NCOR2: variants seen among roughly 807,000 people sequenced by gnomAD.
NCOR2 encodes nuclear receptor corepressor 2.
A neutral mutation model predicts 262.9 loss-of-function variants in NCOR2; 81 were observed. The observed-to-expected ratio is 0.31, with a 90% CI of 0.26 to 0.37. The LOEUF is 0.37. Ranked by LOEUF, NCOR2 falls within the 10% of genes least tolerant of loss-of-function variation. The pLI is 1.00. For missense variants in NCOR2, 3,385 were observed against 3,621.4 expected, an observed-to-expected ratio of 0.93 and a Z score of 1.68; for synonymous variants, 1,659 against 1,559.3, an observed-to-expected ratio of 1.06 and a Z score of -1.51.
chr12:124,383,060 C>T (rs1250368497), intron 17 of NCOR2, among the ~76,000 whole-genome samples: 1 of 152,186 alleles, frequency 6.6e-6, no homozygotes, highest in Non-Finnish European at 1.5e-5. Context: ...ATGAATCAAT[C>T]AATCGTGAGT....
chr12:124,397,988 C>T, intron 16 of NCOR2, 131 bp downstream of exon 18: 1 of 1,050,916 alleles, frequency 9.5e-7, no homozygotes, highest in East Asian at 2.4e-5. Context: ...AGCCCAGAAC[C>T]AGAACCTCAC....
rs1406319276 is a variant in NCOR2, at chr12:124,340,761, G to A, written c.5189-10C>T. On this transcript the variant is annotated splice_polypyrimidine_tract_variant and intron_variant, in intron 34 of 46. Coordinates refer to ENST00000405201, the Ensembl canonical transcript of NCOR2. ...GACAGGTCGATGATGCCTGCGGGAGGTGTTGGGCCAGGGCTGTAGCCACAG... is the reference window on the plus strand; with the variant it reads ...GACAGGTCGATGATGCCTGCGGGAGATGTTGGGCCAGGGCTGTAGCCACAG... The A allele has an allele frequency of 3.9e-6, 6 of 1,529,634 alleles. No individual in the cohort carries two copies. The highest frequency in any genetic ancestry group is 5.2e-6 in the Non-Finnish European group (6 of 1,152,074). 94.8% of individuals were successfully genotyped at this position (1,529,634 alleles called of 1,614,324 possible).
rs1033351923 is a variant in NCOR2, at chr12:124,429,489, C to T, written c.1149+124G>A. On this transcript the variant is annotated intron_variant, in intron 10 of 46. Transcript: ENST00000405201. ...TCAATACCCACCTTGATTCCACCCG[C>T]GCTTCGGTGGCAAAGCCCCTCGACG... 60 of 1,001,258 alleles carry T rather than the reference C, an allele frequency of 6.0e-5. No individual in the cohort carries two copies. The African/African-American group carries it at 7.5e-4, about 13-fold the overall frequency. 62.0% of individuals were successfully genotyped at this position (1,001,258 alleles called of 1,614,324 possible).
intron 13 of NCOR2, among the ~76,000 whole-genome samples, chr12:124,418,278 G>A (rs1299795865): frequency 6.6e-6 from 1 of 152,180 alleles, no homozygotes; most frequent in African/African-American, 2.4e-5. Context: ...TTCAGCCCCA[G>A]GCATCGTGGC....
chr12:124,498,725 T>C (rs1243739104), upstream of NCOR2, among the ~76,000 whole-genome samples: 2 of 152,210 alleles, frequency 1.3e-5, no homozygotes, highest in African/African-American at 4.8e-5. Context: ...TGCATGTTCA[T>C]GGCAACAGAA....
intron 16 of NCOR2, among the ~76,000 whole-genome samples, chr12:124,394,062 G>A (rs553301826): frequency 1.3e-5 from 2 of 152,368 alleles, no homozygotes; most frequent in African/African-American, 2.4e-5. Context: ...GGCGGGGGCC[G>A]AGGCCCCAAA....
chr12:124,528,083 G>C (rs550219871), intron 1 of NCOR2, among the ~76,000 whole-genome samples: 1 of 152,090 alleles, frequency 6.6e-6, no homozygotes, highest in Non-Finnish European at 1.5e-5. Flanking sequence ...TCCCTTCCAC[G>C]ACTGCCATAA....
chr12:124,341,980 C>T (rs370856594), exon 34 of NCOR2: 81 of 1,613,300 alleles, frequency 5.0e-5, no homozygotes, highest in Middle Eastern at 1.6e-4. Context: ...TCTCCAGCGC[C>T]GCCGTGTCGG....
intron 22 of NCOR2, among the ~76,000 whole-genome samples, chr12:124,360,306 A>C (rs536149613): frequency 8.9e-4 from 136 of 152,304 alleles, no homozygotes; most frequent in Non-Finnish European, 1.5e-3. Flanking sequence ...CCAGCGAGAC[A>C]TCCCTGGCGT....
chr12:124,333,295 G>A lies in NCOR2; in HGVS notation c.6606-16C>T. 6.3e-7 allele frequency: 1 copy of A among 1,585,666 alleles called. No individual in the cohort carries two copies. Among genetic ancestry groups the A allele is most frequent in the Non-Finnish European group, 8.6e-7 (1 of 1,163,864 alleles). ...CTCTGGAGACCTGGATGGAGAAAGG[G>A]CCCCAGATGTGGTCAGAGGTCTCCC... On this transcript the variant is annotated splice_polypyrimidine_tract_variant and intron_variant, in intron 41 of 46. Coordinates refer to ENST00000405201, the Ensembl canonical transcript of NCOR2.
exon 22 of NCOR2, chr12:124,362,246 G>C (rs1456618783): frequency 7.6e-7 from 1 of 1,318,446 alleles, no homozygotes; most frequent in Non-Finnish European, 9.7e-7. Flanking sequence ...GGGGGAGCTG[G>C]CTTGGTGGGA....
At chr12:124,496,738 C>T (rs561853172), upstream of NCOR2, among the ~76,000 whole-genome samples, 1 of 151,316 alleles carries the variant, frequency 6.6e-6, no homozygotes, top group East Asian at 2.0e-4. This position sits in a 1 kb window ranked among gnomAD's most constrained non-coding sequence, Gnocchi z 4.4. Context: ...CTCCCTCCCT[C>T]CCCAGGTGCC....
chr12:124,517,595 G>A lies in NCOR2; in HGVS notation c.-118+17970C>T, dbSNP rs965438514. Among the ~76,000 whole-genome samples, 3 of 152,158 alleles carry A rather than the reference G, an allele frequency of 2.0e-5. No homozygotes were observed. Among genetic ancestry groups the A allele is most frequent in the Admixed American group, 2.0e-4 (3 of 15,278 alleles). ...GCCTGAGCCCACCGCGGAGCCCCAG[G>A]GCAGAGCCTCGGGAGCGCCCACGAT... is the stretch of plus-strand genomic sequence containing the variant. On this transcript the variant is annotated intron_variant, in intron 1 of 46. Coordinates refer to the NCOR2 transcript ENST00000404621. The surrounding 1 kb of genome is among the most constrained non-coding windows in gnomAD (Gnocchi z 7.6).
chr12:124,449,701 C>T lies in NCOR2; in HGVS notation c.815+114G>A, dbSNP rs181501251. ...CCCTCCGGGAGCACCTGGCCCTGGC[C>T]GGGAGCCCCTGATGGGAACAGAGAG... On this transcript the variant is annotated intron_variant, in intron 7 of 46. Transcript: ENST00000405201. The T allele has an allele frequency of 1.5e-4, 196 of 1,314,342 alleles. No homozygotes were observed. The Admixed American group carries it at 2.0e-3, about 13-fold the overall frequency. The allele number at this position is 1,314,342 out of a possible 1,614,324, so 81.4% of individuals were successfully genotyped here.
exon 14 of NCOR2, chr12:124,402,514 C>A: frequency 7.5e-7 from 1 of 1,332,670 alleles, no homozygotes; most frequent in African/African-American, 1.6e-5. Context: ...GGGGCATGGG[C>A]TGCTGCTGCT....
In NCOR2 at chr12:124,482,894, G is replaced by A. The variant is rs927240611; in HGVS notation, c.411+702C>T. Among the ~76,000 whole-genome samples, 1 of 152,198 alleles carries A rather than the reference G, an allele frequency of 6.6e-6. No individual in the cohort carries two copies. Among genetic ancestry groups the A allele is most frequent in the African/African-American group, 2.4e-5 (1 of 41,450 alleles). On this transcript the variant is annotated intron_variant, in intron 3 of 46. Coordinates refer to ENST00000405201, the Ensembl canonical transcript of NCOR2. The surrounding 1 kb of genome is among the most constrained non-coding windows in gnomAD (Gnocchi z 6.3). Reference sequence around the variant, plus strand: ...GTGGCCCAAGGAGCAGCCAGACTGGGCAGTAGAAGGCGGCTTTGTCATTCT... The same window carrying A: ...GTGGCCCAAGGAGCAGCCAGACTGGACAGTAGAAGGCGGCTTTGTCATTCT...
At chr12:124,424,716 A>G (rs1593476126) in intron 11 of NCOR2, among the ~76,000 whole-genome samples, 1 of 152,228 alleles carries the variant, frequency 6.6e-6, no homozygotes, top group Non-Finnish European at 1.5e-5. Context: ...TGGGGCCACA[A>G]CCCTGGACCA....
chr12:124,353,200 G>A (rs951133873), intron 27 of NCOR2, among the ~76,000 whole-genome samples: 1 of 152,332 alleles, frequency 6.6e-6, no homozygotes, highest in Non-Finnish European at 1.5e-5. Flanking sequence ...AGGTCCCTAC[G>A]ACTTCAGGAG....
intron 27 of NCOR2, among the ~76,000 whole-genome samples, chr12:124,352,196 C>T (rs1011215597): frequency 4.6e-5 from 7 of 152,188 alleles, no homozygotes; most frequent in Non-Finnish European, 8.8e-5. Context: ...ATTCCTGCAG[C>T]ATCCTGGCGG....
Sources: gnomAD v4.1 joint callset for allele counts (sites outside exome capture counted in the v4.1 genomes callset) on GRCh38, gnomAD v4.1.1 for gene constraint, Gnocchi (gnomAD v3.1) non-coding constraint, MANE v1.5 for transcripts, NCBI Gene and HGNC (gene_info 2026-07-23, HGNC 2026-07-21) for gene names.